The following CYP39A1 variants were observed in gnomAD, a reference collection of about 807,000 sequenced individuals.
CYP39A1 encodes 24-hydroxycholesterol 7-alpha-hydroxylase.
A neutral mutation model predicts 58.1 loss-of-function variants in CYP39A1; 49 were observed. The observed-to-expected ratio is 0.84, with a 90% confidence interval of 0.67 to 1.07. The LOEUF (loss-of-function observed/expected upper bound fraction) is 1.07. Ranked by LOEUF, CYP39A1 falls within the 50% of genes least tolerant of loss-of-function variation. CYP39A1 has a pLI of 0.00. For missense variants in CYP39A1, 531 were observed against 539.4 expected (o/e 0.98, Z 0.16); for synonymous variants, 209 against 187.6 (o/e 1.11, Z -0.93).
At chr6:46,631,736 C>T (rs1329378095) in intron 5 of CYP39A1, among the ~76,000 whole-genome samples, 3 of 152,188 alleles carry the variant, frequency 2.0e-5, no homozygotes, top group South Asian at 4.1e-4. Context: ...ATACAGAGAA[C>T]GGACATTTGA....
At chr6:46,638,042 A>C (rs2295003) in intron 3 of CYP39A1, 64 bp from the exon 4 acceptor site, 29,222 of 1,498,972 alleles carry the variant, frequency 0.019, 992 homozygotes, top group East Asian at 0.12. Context: ...CAAAGGATAC[A>C]AAGCAAGGCA....
chr6:46,583,968 T>G (rs539805293), intron 10 of CYP39A1, among the ~76,000 whole-genome samples: 66 of 152,228 alleles, frequency 4.3e-4, no homozygotes, highest in African/African-American at 1.4e-3. Flanking sequence ...ATTTGGTGCA[T>G]GAGAAAATAA....
At chr6:46,600,850 G>A (rs560908596) in intron 7 of CYP39A1, among the ~76,000 whole-genome samples, 1 of 152,210 alleles carries the variant, frequency 6.6e-6, no homozygotes, top group East Asian at 1.9e-4. Flanking sequence ...CCTGAGTTCT[G>A]TGAGCCCTTA....
intron 11 of CYP39A1, among the ~76,000 whole-genome samples, chr6:46,550,785 G>A (rs901909349): frequency 2.0e-5 from 3 of 152,120 alleles, no homozygotes; most frequent in African/African-American, 4.8e-5. Flanking sequence ...ATTTAGAATC[G>A]CTGAGTGAGA....
intron 6 of CYP39A1, among the ~76,000 whole-genome samples, chr6:46,629,448 G>T (rs1284006518): frequency 6.6e-6 from 1 of 152,176 alleles, no homozygotes; most frequent in East Asian, 1.9e-4. Context: ...AACCAGAGAA[G>T]AATATTATAG....
chr6:46,582,492 T>A (rs1245456422), intron 10 of CYP39A1, among the ~76,000 whole-genome samples: 4 of 152,160 alleles, frequency 2.6e-5, no homozygotes, highest in Non-Finnish European at 5.9e-5. Context: ...CTATAAGCAC[T>A]TAATTTTTTT....
In CYP39A1 at chr6:46,596,071, TAGA is replaced by T. The variant is rs1773132709; in HGVS notation, c.978_980del (p.Leu327del). 1.2e-6 allele frequency: 2 copies of T among 1,611,306 alleles called. No individual in the cohort carries two copies. Among genetic ancestry groups the T allele is most frequent in the South Asian group, 2.2e-5 (2 of 90,702 alleles). On this transcript the variant is annotated inframe_deletion, in exon 8 of 12. Coordinates refer to ENST00000275016, the MANE Select transcript of CYP39A1 (RefSeq NM_016593.5). ...TGGTTTCCAAAACACACCATTTAAT[TAGA>T]AGGAGATTCTCCAGGTCATCCTCAG...
At chr6:46,600,709 C>A (rs1034325088) in intron 7 of CYP39A1, among the ~76,000 whole-genome samples, 2 of 152,188 alleles carry the variant, frequency 1.3e-5, no homozygotes, top group African/African-American at 2.4e-5. Flanking sequence ...ACACACCCAA[C>A]TTCAGAGAAA....
rs147556508 is a variant in CYP39A1 at position 46,563,619 on chromosome 6, G to T, written c.1251-9765C>A. ...TATATAGATGAAGGTAGAAACAAGG[G>T]AAACAAAATTTGGAGTCTGGAGAGC... On this transcript the variant is annotated intron_variant, in intron 10 of 11. Coordinates refer to ENST00000275016, the MANE Select transcript of CYP39A1 (RefSeq NM_016593.5). Among the ~76,000 whole-genome samples, 420 of 152,228 alleles carry T rather than the reference G, an allele frequency of 2.8e-3. 3 individuals are homozygous for T. The highest frequency in any genetic ancestry group is 9.5e-3 in the African/African-American group (394 of 41,542).
intron 10 of CYP39A1, among the ~76,000 whole-genome samples, chr6:46,557,947 A>AG (rs1295915029): frequency 1.2e-4 from 18 of 150,502 alleles, no homozygotes; most frequent in African/African-American, 4.1e-4. Flanking sequence ...AAAAAAAAAA[A>AG]AAAAAAAGAA....
intron 10 of CYP39A1, among the ~76,000 whole-genome samples, chr6:46,570,169 T>A (rs1191091436): frequency 6.6e-6 from 1 of 152,168 alleles, no homozygotes; most frequent in Non-Finnish European, 1.5e-5. Context: ...TCTCTTATGA[T>A]CCTATGTGTT....
chr6:46,574,712 G>A (rs750875144), intron 10 of CYP39A1, among the ~76,000 whole-genome samples: 4 of 152,080 alleles, frequency 2.6e-5, no homozygotes, highest in African/African-American at 7.2e-5. Context: ...GGTATTCTGT[G>A]CACAGGATGG....
At chr6:46,650,823 G>C (rs958854067) in intron 1 of CYP39A1, among the ~76,000 whole-genome samples, 3 of 151,974 alleles carry the variant, frequency 2.0e-5, no homozygotes, top group African/African-American at 7.2e-5. Context: ...GCAATAACTT[G>C]TTTTGTTTAG....
In CYP39A1 at chr6:46,644,436, T is replaced by G. The variant is rs1444624548; in HGVS notation, c.178-2138A>C. Among the ~76,000 whole-genome samples the G allele has an allele frequency of 1.6e-4, 25 of 152,158 alleles. 1 individual carries two copies. Among genetic ancestry groups the G allele is most frequent in the Admixed American group, 1.6e-3 (25 of 15,270 alleles). On this transcript the variant is annotated intron_variant, in intron 1 of 11. Transcript: ENST00000275016. ...GGGGGTCTGAGGCAGGAGTATCACT[T>G]GAGCCCAGGAGTTTTTGAGGTTGCA...
chr6:46,635,146 T>C, intron 5 of CYP39A1, among the ~76,000 whole-genome samples: 1 of 152,340 alleles, frequency 6.6e-6, no homozygotes, highest in South Asian at 2.1e-4. Context: ...ATTTGCTATT[T>C]AACTAAAAAC....
chr6:46,621,985 A>G (rs1249918375), intron 7 of CYP39A1, among the ~76,000 whole-genome samples: 4 of 152,186 alleles, frequency 2.6e-5, no homozygotes, highest in Non-Finnish European at 5.9e-5. Context: ...TTATTCCAGA[A>G]ATGCATGGAT....
intron 7 of CYP39A1, among the ~76,000 whole-genome samples, chr6:46,610,111 G>C (rs1774123863): frequency 1.3e-5 from 2 of 151,982 alleles, no homozygotes; most frequent in South Asian, 4.2e-4. Flanking sequence ...GGGAAATTTT[G>C]TCTTGACAAT....
In CYP39A1 at chr6:46,652,720, T is replaced by C; in HGVS notation, c.-138A>G. ...CTTTTGCAGCTCTCCTTCGTAACTG[T>C]AGCTTCCTTCCTCTGTCCCAGTTTT... On this transcript the variant is annotated 5_prime_UTR_variant, in exon 1 of 12. Transcript: ENST00000275016. 1 of 729,562 alleles carries C rather than the reference T, an allele frequency of 1.4e-6. No homozygotes were observed. Among genetic ancestry groups the C allele is most frequent in the Non-Finnish European group, 2.2e-6 (1 of 456,434 alleles). The allele number at this position is 729,562 out of a possible 1,614,324, so 45.2% of individuals were successfully genotyped here.
chr6:46,559,551 G>A (rs950174880), intron 10 of CYP39A1, among the ~76,000 whole-genome samples: 1 of 152,136 alleles, frequency 6.6e-6, no homozygotes, highest in East Asian at 1.9e-4. Flanking sequence ...TTGTGTGATA[G>A]TGCAGTGGAA....
Sources: gnomAD v4.1 joint callset for allele counts (sites outside exome capture counted in the v4.1 genomes callset) on GRCh38, gnomAD v4.1.1 for gene constraint, MANE v1.5 for transcripts, NCBI Gene and HGNC (gene_info 2026-07-23, HGNC 2026-07-21) for gene names.